SLC8A3: variants seen among roughly 807,000 people sequenced by gnomAD.
The protein encoded by SLC8A3 is sodium/calcium exchanger 3.
In SLC8A3, 37 loss-of-function variants were observed where a neutral mutation model predicts 65.4. The ratio of observed to expected loss-of-function variants is 0.57; its 90% confidence interval spans 0.44 to 0.74. The LOEUF (loss-of-function observed/expected upper bound fraction) is 0.74. SLC8A3 is among the 30% of genes least tolerant of loss of function. SLC8A3 has a pLI of 0.00. For missense variants in SLC8A3, 1,112 were observed against 1,172.1 expected (o/e 0.95, Z 0.75); for synonymous variants, 461 against 444.5 (o/e 1.04, Z -0.47).
At chr14:70,048,411 G>C in intron 6 of SLC8A3, 1 of 568,672 alleles carries the variant, frequency 1.8e-6, no homozygotes, top group East Asian at 2.8e-5. Context: ...TAAGAAATTG[G>C]ACCACTTACT....
At chr14:70,132,238 A>G (rs1894885699) in intron 2 of SLC8A3, among the ~76,000 whole-genome samples, 1 of 152,252 alleles carries the variant, frequency 6.6e-6, no homozygotes, top group Non-Finnish European at 1.5e-5. Context: ...AAACTAAGAA[A>G]TAAAAGCCAC....
At chr14:70,131,045 C>A (rs1021274601) in intron 2 of SLC8A3, among the ~76,000 whole-genome samples, 1 of 152,168 alleles carries the variant, frequency 6.6e-6, no homozygotes, top group African/African-American at 2.4e-5. Context: ...CCCTCAGGAG[C>A]ACCCAAATTT....
At chr14:70,123,201 C>T (rs1319018721) in intron 2 of SLC8A3, among the ~76,000 whole-genome samples, 3 of 151,136 alleles carry the variant, frequency 2.0e-5, no homozygotes, top group East Asian at 3.9e-4. Flanking sequence ...GCTGAGATCA[C>T]GCCATTGCAC....
intron 2 of SLC8A3, among the ~76,000 whole-genome samples, chr14:70,067,392 C>T (rs1889547945): frequency 6.6e-6 from 1 of 152,162 alleles, no homozygotes; most frequent in Non-Finnish European, 1.5e-5. Flanking sequence ...CAAAAGCTTG[C>T]AGCATCCAGT....
At chr14:70,090,201 G>C (rs781608532) in intron 2 of SLC8A3, among the ~76,000 whole-genome samples, 11 of 152,000 alleles carry the variant, frequency 7.2e-5, no homozygotes, top group Non-Finnish European at 1.5e-4. Flanking sequence ...TCAACACATT[G>C]GCTGACCATT....
At chr14:70,064,543 G>T (rs1889194682) in intron 2 of SLC8A3, among the ~76,000 whole-genome samples, 1 of 150,602 alleles carries the variant, frequency 6.6e-6, no homozygotes, top group Non-Finnish European at 1.5e-5. Context: ...TGGGTCGGGG[G>T]TGGTGGTGGC....
chr14:70,123,118 G>T (rs1375719580), intron 2 of SLC8A3, among the ~76,000 whole-genome samples: 1 of 149,686 alleles, frequency 6.7e-6, no homozygotes, highest in Non-Finnish European at 1.5e-5. Context: ...GGTGGCGGTT[G>T]CCTGTAATCC....
intron 2 of SLC8A3, among the ~76,000 whole-genome samples, chr14:70,127,560 C>A (rs1894550851): frequency 1.3e-5 from 2 of 152,048 alleles, no homozygotes; most frequent in South Asian, 4.1e-4. Context: ...CTAACTGGGA[C>A]CAGCACCAGA....
intron 1 of SLC8A3, among the ~76,000 whole-genome samples, chr14:70,171,251 G>A (rs1021014817): frequency 3.3e-5 from 5 of 152,208 alleles, no homozygotes; most frequent in Admixed American, 1.3e-4. Context: ...AGAGAAGAGA[G>A]CCGGTCTTCC....
intron 2 of SLC8A3, among the ~76,000 whole-genome samples, chr14:70,089,037 A>G (rs1891638548): frequency 1.3e-5 from 2 of 152,184 alleles, no homozygotes; most frequent in African/African-American, 4.8e-5. Flanking sequence ...CACCCAACAC[A>G]GCTGAAGTTA....
chr14:70,047,604 TC>T (rs1323601746), intron 6 of SLC8A3: 1 of 152,264 alleles, frequency 6.6e-6, no homozygotes, highest in East Asian at 1.9e-4. Flanking sequence ...AAAGAGGTTT[TC>T]CTAGAATTTG....
At chr14:70,054,260 G>C (rs111779356) in intron 3 of SLC8A3, among the ~76,000 whole-genome samples, 1 of 151,530 alleles carries the variant, frequency 6.6e-6, no homozygotes, top group Non-Finnish European at 1.5e-5. Flanking sequence ...GCTTGGGGGT[G>C]GGGGGGTGGT....
At chr14:70,093,924 G>C (rs960046517) in intron 2 of SLC8A3, among the ~76,000 whole-genome samples, 28 of 152,204 alleles carry the variant, frequency 1.8e-4, no homozygotes, top group Non-Finnish European at 5.9e-5. Flanking sequence ...CTGACAGGCT[G>C]TTCCCTCCCA....
At chr14:70,175,121 A>G (rs1304181476) in intron 1 of SLC8A3, among the ~76,000 whole-genome samples, 1 of 152,212 alleles carries the variant, frequency 6.6e-6, no homozygotes, top group African/African-American at 2.4e-5. Context: ...GAGAAAAGAA[A>G]GCTTCCTAGA....
intron 1 of SLC8A3, chr14:70,187,273 AAGAGAG>A (rs139513175): frequency 1.2e-4 from 17 of 146,710 alleles, no homozygotes; most frequent in South Asian, 4.4e-4. Flanking sequence ...GAGAGAGAGA[AAGAGAG>A]AGAGAGAGAG....
intron 1 of SLC8A3, among the ~76,000 whole-genome samples, chr14:70,169,377 G>A (rs1057189256): frequency 6.6e-5 from 10 of 152,124 alleles, no homozygotes; most frequent in African/African-American, 2.4e-4. Flanking sequence ...GTTTAAGCAG[G>A]CAGTAACAGG....
intron 2 of SLC8A3, among the ~76,000 whole-genome samples, chr14:70,062,523 G>C (rs1726071017): frequency 6.6e-6 from 1 of 152,186 alleles, no homozygotes; most frequent in African/African-American, 2.4e-5. Context: ...TGTAGCCTAG[G>C]AGCAATAGGC....
intron 2 of SLC8A3, among the ~76,000 whole-genome samples, chr14:70,075,810 T>C (rs1035641927): frequency 4.6e-5 from 7 of 152,294 alleles, no homozygotes; most frequent in Admixed American, 4.6e-4. Flanking sequence ...AAAATTAAAA[T>C]TGAACTGCAT....
chr14:70,143,947 C>T (rs1895735746), intron 2 of SLC8A3, among the ~76,000 whole-genome samples: 1 of 152,190 alleles, frequency 6.6e-6, no homozygotes, highest in Non-Finnish European at 1.5e-5. Flanking sequence ...TCTTCTTCCC[C>T]ACAGTTAGTC....
Sources: gnomAD v4.1 joint callset for allele counts (sites outside exome capture counted in the v4.1 genomes callset) on GRCh38, gnomAD v4.1.1 for gene constraint, MANE v1.5 for transcripts, NCBI Gene and HGNC (gene_info 2026-07-23, HGNC 2026-07-21) for gene names.